EFCAB10: variants seen among roughly 807,000 people sequenced by gnomAD.
EFCAB10 encodes the protein EF-hand calcium-binding domain-containing protein 10.
Under a neutral mutation model 7.7 loss-of-function variants are expected in EFCAB10, and 7 were observed. The ratio of observed to expected loss-of-function variants is 0.91; its 90% CI spans 0.52 to 1.72. EFCAB10 has a LOEUF of 1.72. Among genes scored for constraint, EFCAB10 ranks in the 40% most tolerant of loss-of-function variants. The probability of loss-of-function intolerance (pLI) is 0.00; values close to 1 mark genes in which losing one functional copy is unlikely to be tolerated. For missense variants in EFCAB10, 112 were observed against 61.5 expected (o/e 1.82, Z -2.74); for synonymous variants, 52 against 21.0 (o/e 2.47, Z -4.03).
chr7:105,568,406 TA>T (rs1458482422), intron 3 of EFCAB10, among the ~76,000 whole-genome samples: 2 of 152,220 alleles, frequency 1.3e-5, no homozygotes, highest in East Asian at 3.8e-4. Context: ...AGCAGTGGGT[TA>T]GTACTTTTAA....
In EFCAB10 at chr7:105,569,268, G is replaced by T. The variant is rs1791874893; in HGVS notation, c.294C>A (p.Cys98Ter). 1.4e-6 allele frequency: 1 copy of T among 702,316 alleles called. No homozygotes were observed. The highest frequency in any genetic ancestry group is 2.0e-5 in the Admixed American group (1 of 49,956). The allele number at this position is 702,316 out of a possible 1,614,324, so 43.5% of individuals were successfully genotyped here. A position where few individuals can be genotyped will look rare whatever the true frequency, so the allele number is the denominator to read the frequency against. Reference protein sequence around the residue: ...YKEALKTLGLCTEDEDLQDDG... With the variant: ...YKEALKTLGL ...CATCTTGTAAATCTTCATCTTCAGT[G>T]CATAGACCCAGGGTTTTTAGGGCTG... The change falls in exon 3 of 5, where the codon TGC becomes TGA. Residue 98 changes from cysteine (C) to a stop codon, truncating the protein, a stop_gained. Coordinates refer to ENST00000480514, the MANE Select transcript of EFCAB10 (RefSeq NM_001355526.2). LOFTEE classifies it high-confidence loss of function.
At chr7:105,574,335 C>T (rs1022842175) in intron 1 of EFCAB10, among the ~76,000 whole-genome samples, 7 of 151,660 alleles carry the variant, frequency 4.6e-5, no homozygotes, top group East Asian at 1.9e-4. Flanking sequence ...TAAAGACATA[C>T]GTGAGACTGA....
intron 1 of EFCAB10, chr7:105,571,935 TA>T: frequency 6.6e-6 from 1 of 152,336 alleles, no homozygotes; most frequent in East Asian, 1.9e-4. Context: ...AGGGATGGAT[TA>T]AATGGCTGGT....
At chr7:105,571,121 A>G (rs1335096748) in intron 1 of EFCAB10, 1 of 152,222 alleles carries the variant, frequency 6.6e-6, no homozygotes, top group Non-Finnish European at 1.5e-5. Flanking sequence ...GCCAACTTCA[A>G]CTGTTAAAAT....
chr7:105,565,366 T>G lies in EFCAB10; in HGVS notation c.*81A>C. 6.2e-7 allele frequency: 1 copy of G among 1,614,238 alleles called. No individual in the cohort carries two copies. The highest frequency in any genetic ancestry group is 1.3e-5 in the African/African-American group (1 of 75,080). On this transcript the variant is annotated 3_prime_UTR_variant, in exon 5 of 5. Transcript: ENST00000480514. The stretch of plus-strand genomic sequence containing the variant: ...TTGCTGCTGACGTTACGAGACCATT[T>G]ACTTCAGTTGGAGCAGCAGCTTTGT...
chr7:105,575,984 C>T lies in EFCAB10; in HGVS notation c.106+5374G>A, dbSNP rs1022614756. ...CCTGGGAGGCAGAGGTTGCAGTGAG[C>T]TGAGATCGCGCCATTGCACTCCAGC... On this transcript the variant is annotated intron_variant, in intron 1 of 4. Transcript: ENST00000480514. Among the ~76,000 whole-genome samples the T allele has an allele frequency of 7.2e-5, 11 of 152,232 alleles. No individual in the cohort carries two copies. The East Asian group carries it at 1.9e-3, about 27-fold the overall frequency.
At chr7:105,567,614 TG>T (rs1378709878) in intron 3 of EFCAB10, 124 bp from the exon 4 acceptor site, 2 of 561,020 alleles carry the variant, frequency 3.6e-6, no homozygotes, top group Middle Eastern at 4.7e-4. Context: ...CAATTTCCTG[TG>T]CTAATTAAGG....
intron 4 of EFCAB10, chr7:105,566,860 A>G (rs1301811197): frequency 4.2e-6 from 1 of 238,842 alleles, no homozygotes; most frequent in Non-Finnish European, 7.9e-6. Context: ...TAGTGTTAAT[A>G]TTAAGTATTG....
intron 1 of EFCAB10, among the ~76,000 whole-genome samples, chr7:105,579,723 T>A (rs1792174864): frequency 1.3e-5 from 2 of 152,138 alleles, no homozygotes; most frequent in South Asian, 4.1e-4. Context: ...GGAAAAACAT[T>A]AAGCAGCAGC....
At chr7:105,579,155 C>A (rs1244972129) in intron 1 of EFCAB10, among the ~76,000 whole-genome samples, 4 of 152,194 alleles carry the variant, frequency 2.6e-5, no homozygotes, top group Non-Finnish European at 5.9e-5. Flanking sequence ...AGCACGCTCT[C>A]TCAGGAAGCC....
chr7:105,578,410 C>G (rs981679194), intron 1 of EFCAB10, among the ~76,000 whole-genome samples: 1 of 152,018 alleles, frequency 6.6e-6, no homozygotes, highest in Admixed American at 6.6e-5. Context: ...GAAAATCAAG[C>G]CAAGATGTCC....
chr7:105,566,232 T>A (rs1207475222), intron 4 of EFCAB10: 3 of 149,544 alleles, frequency 2.0e-5, no homozygotes, highest in African/African-American at 7.5e-5. Flanking sequence ...GAGCCAAGAC[T>A]GTCTCAAAAA....
At chr7:105,570,843 T>C (rs1335798888) in intron 1 of EFCAB10, among the ~76,000 whole-genome samples, 1 of 151,992 alleles carries the variant, frequency 6.6e-6, no homozygotes, top group Non-Finnish European at 1.5e-5. Flanking sequence ...GCTAACACGG[T>C]GAAACCCCGT....
intron 1 of EFCAB10, among the ~76,000 whole-genome samples, chr7:105,580,854 TA>T (rs1010464797): frequency 3.3e-5 from 5 of 152,002 alleles, no homozygotes; most frequent in African/African-American, 4.8e-5. Flanking sequence ...TTCAGATGTG[TA>T]AAAAAAGTCA....
chr7:105,574,999 C>T (rs1408955712), intron 1 of EFCAB10, among the ~76,000 whole-genome samples: 1 of 150,302 alleles, frequency 6.7e-6, no homozygotes, highest in African/African-American at 2.4e-5. Context: ...CCTGTAATCC[C>T]AGCTACTCAG....
intron 3 of EFCAB10, among the ~76,000 whole-genome samples, chr7:105,568,887 T>G (rs1334964713): frequency 1.3e-5 from 2 of 149,666 alleles, no homozygotes. Flanking sequence ...GAGGTGGAGG[T>G]TGCAGTGAGC....
intron 1 of EFCAB10, among the ~76,000 whole-genome samples, chr7:105,578,443 A>T (rs1363932395): frequency 6.6e-6 from 1 of 152,208 alleles, no homozygotes; most frequent in African/African-American, 2.4e-5. Context: ...TAATTCCAGA[A>T]AGATATAGGT....
Position 105,581,405 on chromosome 7 carries a change from T to C in EFCAB10, c.59A>G (p.Lys20Arg), listed in dbSNP as rs1479438654. 10 of 702,950 alleles carry C rather than the reference T, an allele frequency of 1.4e-5. No homozygotes were observed. The highest frequency in any genetic ancestry group is 2.6e-5 in the Non-Finnish European group (10 of 384,992). 43.5% of individuals were successfully genotyped at this position (702,950 alleles called of 1,614,324 possible). Residue 20 changes from lysine (K) to arginine (R), a missense_variant, in exon 1 of 5, where the codon AAG (lysine) becomes AGG (arginine). Lys to Arg is a conservative substitution (Grantham distance 26). Coordinates refer to ENST00000480514, the MANE Select transcript of EFCAB10 (RefSeq NM_001355526.2). ...AAEYLEKHQI[K>R]EVVSYLTSAL... Reference sequence around the variant, plus strand: ...GCTGGTGAGGTAGCTAACCACCTCCTTGATCTGATGCTTTTCCAAATACTC... The same window carrying C: ...GCTGGTGAGGTAGCTAACCACCTCCCTGATCTGATGCTTTTCCAAATACTC...
chr7:105,578,731 A>C (rs1179025249), intron 1 of EFCAB10, among the ~76,000 whole-genome samples: 2 of 152,170 alleles, frequency 1.3e-5, no homozygotes, highest in African/African-American at 4.8e-5. Flanking sequence ...GCAATGCCTT[A>C]AAAATTCTGA....
Sources: allele counts gnomAD v4.1 joint callset (sites outside exome capture counted in the v4.1 genomes callset), GRCh38; gene constraint gnomAD v4.1.1; transcripts MANE v1.5; gene names NCBI Gene and HGNC (gene_info 2026-07-23, HGNC 2026-07-21).